The following CEP70 variants were observed in gnomAD, a reference collection of about 807,000 sequenced individuals.
CEP70 encodes the protein centrosomal protein 70.
CEP70 carries 70 observed loss-of-function variants against 90.9 expected under a neutral mutation model. The observed-to-expected ratio is 0.77, with a 90% confidence interval of 0.64 to 0.94. The LOEUF (loss-of-function observed/expected upper bound fraction) is 0.94, where lower values mean the gene tolerates loss of function less well. Among genes scored for constraint, CEP70 ranks in the 40% least tolerant of loss-of-function variants. CEP70 has a pLI of 0.00. For missense variants in CEP70, 648 were observed against 669.0 expected, an observed-to-expected ratio of 0.97 and a Z score of 0.35; for synonymous variants, 220 against 228.3, an observed-to-expected ratio of 0.96 and a Z score of 0.33.
At chr3:138,498,613 C>T (rs1413859140) in intron 16 of CEP70, among the ~76,000 whole-genome samples, 4 of 151,824 alleles carry the variant, frequency 2.6e-5, no homozygotes, top group Admixed American at 6.6e-5. Context: ...GGATTACAGG[C>T]GTGAGCTACC....
In CEP70 at chr3:138,571,117, T is replaced by C. The variant is rs1373612333; in HGVS notation, c.201A>G (p.Arg67=). ...IFDKQSSQRM[R]QNLKLLVEET... ...CTTCCACCAACAATTTCAAATTCTG[T>C]CTCATCCTTTGTGATGACTGTTTGT... The change falls in exon 5 of 18, where the codon AGA becomes AGG. Residue 67 remains arginine (R), a synonymous_variant. Coordinates refer to ENST00000264982, the MANE Select transcript of CEP70 (RefSeq NM_024491.4). 3.1e-6 allele frequency: 5 copies of C among 1,603,546 alleles called. No homozygotes were observed. Among genetic ancestry groups the C allele is most frequent in the African/African-American group, 1.3e-5 (1 of 74,770 alleles).
intron 2 of CEP70, among the ~76,000 whole-genome samples, chr3:138,588,771 G>C (rs1021729594): frequency 6.6e-6 from 1 of 152,126 alleles, no homozygotes; most frequent in Non-Finnish European, 1.5e-5. Flanking sequence ...TCCACACAAA[G>C]ACTGTACACA....
intron 4 of CEP70, 33 bp downstream of exon 4, chr3:138,571,233 T>C: frequency 6.4e-7 from 1 of 1,573,580 alleles, no homozygotes; most frequent in Non-Finnish European, 8.6e-7. Flanking sequence ...AATAAACTTT[T>C]TACCTTAAGC....
At chr3:138,529,612 A>G in intron 8 of CEP70, 150 bp from the exon 9 acceptor site, 1 of 609,452 alleles carries the variant, frequency 1.6e-6, no homozygotes, top group Non-Finnish European at 2.9e-6. Context: ...TGGTATTAGA[A>G]CACTACTACT....
intron 11 of CEP70, among the ~76,000 whole-genome samples, chr3:138,517,463 A>T (rs2036141856): frequency 6.6e-6 from 1 of 152,140 alleles, no homozygotes; most frequent in Non-Finnish European, 1.5e-5. Flanking sequence ...AGGTCAGGAG[A>T]TCCACACAGT....
chr3:138,548,537 A>G (rs1013828969), intron 6 of CEP70, among the ~76,000 whole-genome samples: 1 of 152,230 alleles, frequency 6.6e-6, no homozygotes, highest in Admixed American at 6.5e-5. Context: ...ACTCTTTGGA[A>G]TAAGATGCCT....
chr3:138,519,892 T>C (rs1560315347), intron 11 of CEP70, among the ~76,000 whole-genome samples: 2 of 152,136 alleles, frequency 1.3e-5, no homozygotes, highest in South Asian at 2.1e-4. Flanking sequence ...ACTGGCAAAT[T>C]GGATAAAGAG....
intron 2 of CEP70, among the ~76,000 whole-genome samples, chr3:138,577,096 T>C (rs1229837882): frequency 2.0e-5 from 3 of 151,482 alleles, no homozygotes; most frequent in African/African-American, 7.3e-5. Flanking sequence ...ATCGCAAGGA[T>C]AGAAAACCAA....
chr3:138,499,914 C>T, intron 16 of CEP70, 196 bp downstream of exon 16: 1 of 509,946 alleles, frequency 2.0e-6, no homozygotes. Flanking sequence ...TTTCACCCCT[C>T]CAGGAACTCT....
chr3:138,539,663 T>C (rs934729747), intron 6 of CEP70, among the ~76,000 whole-genome samples: 3 of 152,022 alleles, frequency 2.0e-5, no homozygotes, highest in African/African-American at 7.3e-5. Context: ...CTACAAAATA[T>C]AGAAAATTAC....
chr3:138,552,272 C>T (rs899106769), intron 6 of CEP70, among the ~76,000 whole-genome samples: 5 of 152,106 alleles, frequency 3.3e-5, no homozygotes, highest in African/African-American at 9.7e-5. Context: ...GTCATCAAGA[C>T]AGAAAATCAA....
chr3:138,577,170 G>T (rs2041585116), intron 2 of CEP70, among the ~76,000 whole-genome samples: 1 of 151,154 alleles, frequency 6.6e-6, no homozygotes, highest in Non-Finnish European at 1.5e-5. Flanking sequence ...ACAGGAAGGG[G>T]AACATCACAC....
At chr3:138,569,156 G>A (rs933579503) in intron 6 of CEP70, among the ~76,000 whole-genome samples, 5 of 152,180 alleles carry the variant, frequency 3.3e-5, no homozygotes, top group Middle Eastern at 3.4e-3. Flanking sequence ...AGCACCAACT[G>A]CCTCTGTCCT....
intron 6 of CEP70, among the ~76,000 whole-genome samples, chr3:138,559,512 C>T (rs2040245770): frequency 6.6e-6 from 1 of 152,198 alleles, no homozygotes; most frequent in Admixed American, 6.5e-5. Flanking sequence ...GCCAGCAGAT[C>T]ACTTGAGGCC....
At chr3:138,544,537 ATGTG>A (rs780695393) in intron 6 of CEP70, among the ~76,000 whole-genome samples, 1 of 149,184 alleles carries the variant, frequency 6.7e-6, no homozygotes, top group Non-Finnish European at 1.5e-5. Context: ...GTATGTATGT[ATGTG>A]TGTGTGTGTG....
chr3:138,517,853 C>G (rs554420871), intron 11 of CEP70, among the ~76,000 whole-genome samples: 1 of 152,094 alleles, frequency 6.6e-6, no homozygotes, highest in East Asian at 1.9e-4. Flanking sequence ...GTGGGTGCAG[C>G]GCACCGAGCG....
At chr3:138,580,843 A>G (rs1560457612) in intron 2 of CEP70, among the ~76,000 whole-genome samples, 1 of 152,154 alleles carries the variant, frequency 6.6e-6, no homozygotes, top group South Asian at 2.1e-4. Context: ...TTTAAAGTCA[A>G]GCAGAAATTC....
chr3:138,563,263 A>G (rs912215251), intron 6 of CEP70, among the ~76,000 whole-genome samples: 4 of 152,156 alleles, frequency 2.6e-5, no homozygotes, highest in Non-Finnish European at 5.9e-5. Context: ...AGACTTTAAC[A>G]CCCCACTATC....
chr3:138,524,359 G>A (rs1358290546), intron 11 of CEP70, among the ~76,000 whole-genome samples: 1 of 152,150 alleles, frequency 6.6e-6, no homozygotes, highest in East Asian at 1.9e-4. Context: ...GGCAACAAAA[G>A]CTAAAATTGA....
Sources: gnomAD v4.1 joint callset for allele counts (sites outside exome capture counted in the v4.1 genomes callset) on GRCh38, gnomAD v4.1.1 for gene constraint, MANE v1.5 for transcripts, NCBI Gene and HGNC (gene_info 2026-07-23, HGNC 2026-07-21) for gene names.